The following TF variants were observed in gnomAD, a reference collection of about 807,000 sequenced individuals.
TF encodes transferrin, also known as serotransferrin.
In TF, 55 loss-of-function variants were observed where a neutral mutation model predicts 82.4. That is an observed-to-expected ratio of 0.67 (90% CI 0.54 to 0.84). The LOEUF (loss-of-function observed/expected upper bound fraction) is 0.84. TF is among the 40% of genes least tolerant of loss of function. TF has a pLI of 0.00. For missense variants in TF, 737 were observed against 868.4 expected (o/e 0.85, Z 1.90); for synonymous variants, 332 against 332.6 (o/e 1.00, Z 0.02).
At chr3:133,774,344 T>C (rs1934332148) in intron 14 of TF, 1 of 152,218 alleles carries the variant, frequency 6.6e-6, no homozygotes, top group Non-Finnish European at 1.5e-5. Flanking sequence ...ACACCTCAGA[T>C]GCCTATTAAA....
the TF span, among the ~76,000 whole-genome samples, chr3:133,723,055 T>C: frequency 7.6e-6 from 1 of 131,026 alleles, no homozygotes; most frequent in Non-Finnish European, 1.6e-5. Context: ...CACAATATTC[T>C]TGGTTGACAG....
At chr3:133,732,841 T>A in the TF span, among the ~76,000 whole-genome samples, 1 of 152,150 alleles carries the variant, frequency 6.6e-6, no homozygotes, top group African/African-American at 2.4e-5. Context: ...ATCCTCATTT[T>A]CTAGATGGGG....
Position 133,748,466 on chromosome 3 carries a change from A to G in TF, c.98A>G (p.His33Arg). ...GTGAGATGGTGTGCAGTGTCGGAGC[A>G]TGAGGCCACTAAGTGCCAGAGTTTC... ...KTVRWCAVSE[H>R]EATKCQSFRD... Residue 33 changes from histidine to arginine, a missense_variant, in exon 2 of 17, where the codon CAT becomes CGT. Transcript: ENST00000402696. The G allele has an allele frequency of 1.2e-6, 2 of 1,614,152 alleles. No individual in the cohort carries two copies.
chr3:133,732,567 A>G, the TF span, among the ~76,000 whole-genome samples: 4 of 152,322 alleles, frequency 2.6e-5, no homozygotes, highest in East Asian at 7.7e-4. Context: ...GCTGTTTGCA[A>G]GAAATCTTGC....
In TF at chr3:133,786,236, AAAAAC is replaced by A. The variant is rs1452121383; in HGVS notation, c.*7619_*7623del. The A allele has an allele frequency of 1.8e-4, 14 of 77,398 alleles. 2 individuals are homozygous for A. Among genetic ancestry groups the A allele is most frequent in the African/African-American group, 4.8e-4 (14 of 28,910 alleles). 4.8% of individuals were successfully genotyped at this position (77,398 alleles called of 1,614,324 possible). ...AAAAAATAAATTAAAAAAAAAAAAA[AAAAAC>A]AATACTATTTTTTGAACTATCTACC... On this transcript the variant is annotated 3_prime_UTR_variant, in exon 17 of 17. Transcript: ENST00000402696.
the TF span, among the ~76,000 whole-genome samples, chr3:133,709,008 TA>T: frequency 6.6e-6 from 1 of 152,148 alleles, no homozygotes; most frequent in Non-Finnish European, 1.5e-5. Context: ...CTAGGAGACC[TA>T]CTACCTGCAA....
At chr3:133,719,017 C>A in the TF span, among the ~76,000 whole-genome samples, 1 of 152,152 alleles carries the variant, frequency 6.6e-6, no homozygotes, top group Admixed American at 6.5e-5. Context: ...GTGCTCCTGA[C>A]AATTGCTAGC....
At position 133,777,080 on chromosome 3, in the gene TF, C is replaced by T. The variant is rs199594823; in HGVS notation, c.1904C>T (p.Ser635Leu). ...TTTGGAAGCAACGTAACTGACTGCT[C>T]GGGCAACTTTTGTTTGTTCCGGTCG... Reference protein sequence around the residue: ...HLFGSNVTDCSGNFCLFRSET... With the variant: ...HLFGSNVTDCLGNFCLFRSET... The change falls in exon 16 of 17, where the codon TCG (serine) becomes TTG (leucine). Residue 635 changes from serine to leucine, a missense_variant. Physicochemically the swap from Ser to Leu is moderately radical, Grantham distance 145 (BLOSUM62 -2). Coordinates refer to ENST00000402696, the MANE Select transcript of TF (RefSeq NM_001063.4). 1.1e-4 allele frequency: 183 copies of T among 1,614,142 alleles called. 2 individuals carry two copies. The East Asian group carries it at 2.7e-3, about 24-fold the overall frequency.
chr3:133,670,494 A>C, the TF span, among the ~76,000 whole-genome samples: 5 of 152,214 alleles, frequency 3.3e-5, no homozygotes, highest in Non-Finnish European at 7.3e-5. Flanking sequence ...GTACACACGA[A>C]GTTTTCAGAG....
chr3:133,703,960 G>T, the TF span, among the ~76,000 whole-genome samples: 1 of 152,140 alleles, frequency 6.6e-6, no homozygotes, highest in African/African-American at 2.4e-5. Context: ...GGGTGGTGAG[G>T]TCATATCCAG....
At chr3:133,708,786 G>A in the TF span, among the ~76,000 whole-genome samples, 154 of 142,304 alleles carry the variant, frequency 1.1e-3, 1 homozygote, top group African/African-American at 3.3e-3. Context: ...TTTTTTTTCC[G>A]AAAGAGCAAC....
chr3:133,743,669 G>A (rs1486861259), upstream of TF, among the ~76,000 whole-genome samples: 3 of 152,170 alleles, frequency 2.0e-5, no homozygotes, highest in Non-Finnish European at 4.4e-5. Context: ...AGTGCTCAGT[G>A]AAGCTCCCAG....
chr3:133,754,826 C>A (rs951209375), intron 4 of TF, among the ~76,000 whole-genome samples, 155 bp downstream of exon 4: 1 of 152,288 alleles, frequency 6.6e-6, no homozygotes. Flanking sequence ...TCTGCTGCAC[C>A]AGCAGCACTT....
the TF span, among the ~76,000 whole-genome samples, chr3:133,734,469 A>G: frequency 2.6e-5 from 4 of 152,150 alleles, no homozygotes; most frequent in Admixed American, 6.5e-5. Flanking sequence ...AATTGGCCAC[A>G]TGTGCAACAG....
the TF span, among the ~76,000 whole-genome samples, chr3:133,724,869 C>T: frequency 2.6e-5 from 4 of 152,190 alleles, no homozygotes; most frequent in African/African-American, 9.7e-5. Flanking sequence ...CAGCTTTCTA[C>T]ATATGGCTAG....
At chr3:133,759,151 C>CT in intron 8 of TF, 24 bp from the exon 9 acceptor site, 1 of 1,611,192 alleles carries the variant, frequency 6.2e-7, no homozygotes, top group South Asian at 1.1e-5. Context: ...CGCTTCTGAT[C>CT]TTTGTTCTTT....
At chr3:133,666,476 T>A in the TF span, among the ~76,000 whole-genome samples, 1 of 152,164 alleles carries the variant, frequency 6.6e-6, no homozygotes, top group African/African-American at 2.4e-5. Context: ...CGGCCTTGAA[T>A]GTACAATTTA....
Position 133,780,491 on chromosome 3 carries a change from G to T in TF, c.*1871G>T, listed in dbSNP as rs1934493090. ...TATTTGGCCATAATTTTATATACAT[G>T]TAAACAAAAGCTAATACATACCTAA... On this transcript the variant is annotated 3_prime_UTR_variant, in exon 17 of 17. Coordinates refer to ENST00000402696, the MANE Select transcript of TF (RefSeq NM_001063.4). The T allele has an allele frequency of 6.6e-6, 1 of 152,036 alleles. No homozygotes were observed. Among genetic ancestry groups the T allele is most frequent in the Admixed American group, 6.5e-5 (1 of 15,268 alleles). 9.4% of individuals were successfully genotyped at this position (152,036 alleles called of 1,614,324 possible).
chr3:133,699,745 C>T, the TF span: 2 of 386,272 alleles, frequency 5.2e-6, no homozygotes, highest in South Asian at 2.0e-5. Flanking sequence ...ACAGTGGGAG[C>T]CATGCCACAT....
Sources: gnomAD v4.1 joint callset for allele counts (sites outside exome capture counted in the v4.1 genomes callset) on GRCh38, gnomAD v4.1.1 for gene constraint, MANE v1.5 for transcripts, NCBI Gene and HGNC (gene_info 2026-07-23, HGNC 2026-07-21) for gene names.